YWHAE: variants seen among roughly 807,000 people sequenced by gnomAD.
The protein encoded by YWHAE is tyrosine 3-monooxygenase/tryptophan 5-monooxygenase activation protein epsilon, also known as 14-3-3 protein epsilon.
A neutral mutation model predicts 30.1 loss-of-function variants in YWHAE; 4 were observed. The observed-to-expected ratio is 0.13, with a 90% CI of 0.07 to 0.30. YWHAE has a LOEUF of 0.30. YWHAE is among the 10% of genes least tolerant of loss of function. The pLI is 1.00. For missense variants in YWHAE, 121 were observed against 315.9 expected (o/e 0.38, Z 4.68); for synonymous variants, 118 against 111.8 (o/e 1.06, Z -0.35).
chr17:1,378,885 A>G (rs1315611574), intron 1 of YWHAE, among the ~76,000 whole-genome samples: 1 of 151,822 alleles, frequency 6.6e-6, no homozygotes, highest in African/African-American at 2.4e-5. Context: ...AGGCGAAGGA[A>G]GTTGCAATGA....
At chr17:1,385,676 C>G (rs752408301) in intron 1 of YWHAE, among the ~76,000 whole-genome samples, 1 of 152,078 alleles carries the variant, frequency 6.6e-6, no homozygotes, top group Non-Finnish European at 1.5e-5. Flanking sequence ...ATGCAGGTGG[C>G]CTGCTCCTGA....
chr17:1,372,169 A>G (rs1048134783), intron 1 of YWHAE, among the ~76,000 whole-genome samples: 8 of 152,182 alleles, frequency 5.3e-5, no homozygotes, highest in South Asian at 2.1e-4. Context: ...TGGAGATGGC[A>G]TCTTTCCTTA....
intron 1 of YWHAE, among the ~76,000 whole-genome samples, chr17:1,372,300 G>A (rs537065932): frequency 3.5e-4 from 54 of 152,296 alleles, no homozygotes; most frequent in African/African-American, 1.3e-3. Context: ...TTGGCTTAAG[G>A]GAATAGTATG....
chr17:1,350,175 C>A (rs563952988), intron 5 of YWHAE, among the ~76,000 whole-genome samples: 4 of 151,494 alleles, frequency 2.6e-5, no homozygotes, highest in African/African-American at 9.7e-5. Flanking sequence ...TGGTCTCGAA[C>A]TCCTGACCTC....
chr17:1,370,841 C>CA (rs1047920192), intron 1 of YWHAE, among the ~76,000 whole-genome samples: 36 of 149,320 alleles, frequency 2.4e-4, no homozygotes, highest in African/African-American at 7.1e-4. Flanking sequence ...ACTAAAAGTG[C>CA]AAAAAAAAAT....
At chr17:1,399,383 G>A (rs1385280681) in intron 1 of YWHAE, 1 of 152,650 alleles carries the variant, frequency 6.6e-6, no homozygotes, top group Non-Finnish European at 1.5e-5. Flanking sequence ...CCCGATCGCA[G>A]CATGGGAGCC....
intron 1 of YWHAE, among the ~76,000 whole-genome samples, chr17:1,366,670 C>G (rs566910445): frequency 6.6e-6 from 1 of 151,790 alleles, no homozygotes; most frequent in East Asian, 2.0e-4. Flanking sequence ...TGGACGGGCA[C>G]GGTGGATCAC....
At chr17:1,355,148 A>AAAAAAAAATT (rs1555639303) in intron 4 of YWHAE, among the ~76,000 whole-genome samples, 68 of 76,828 alleles carry the variant, frequency 8.9e-4, no homozygotes, top group Non-Finnish European at 1.5e-3. Context: ...AAAAAAAAAA[A>AAAAAAAAATT]TTTTTTTTTT....
intron 1 of YWHAE, among the ~76,000 whole-genome samples, chr17:1,376,944 T>TG (rs1014492977): frequency 1.3e-5 from 2 of 150,282 alleles, no homozygotes; most frequent in African/African-American, 4.9e-5. Flanking sequence ...TTTTTTTTTT[T>TG]GAGACAGAGT....
intron 1 of YWHAE, among the ~76,000 whole-genome samples, chr17:1,373,117 C>T (rs922455493): frequency 4.6e-5 from 7 of 152,004 alleles, no homozygotes; most frequent in Admixed American, 2.6e-4. Context: ...GGGGCGCGTG[C>T]CTGTAATCCC....
At chr17:1,383,668 G>A (rs1294969131) in intron 1 of YWHAE, among the ~76,000 whole-genome samples, 1 of 151,974 alleles carries the variant, frequency 6.6e-6, no homozygotes, top group Non-Finnish European at 1.5e-5. Context: ...GATTACAGGT[G>A]TGAGCCACTG....
intron 5 of YWHAE, among the ~76,000 whole-genome samples, chr17:1,346,122 C>G (rs1322287760): frequency 2.6e-5 from 4 of 152,122 alleles, no homozygotes; most frequent in Admixed American, 6.6e-5. Flanking sequence ...TAAAGAATGG[C>G]ATTTGGACCA....
intron 1 of YWHAE, among the ~76,000 whole-genome samples, chr17:1,370,284 G>A (rs946290972): frequency 6.6e-6 from 1 of 151,274 alleles, no homozygotes; most frequent in East Asian, 2.0e-4. Context: ...CCGTCACCAT[G>A]CCCAGTGAAT....
rs2072497053 is a variant in YWHAE, at chr17:1,345,304, A to C, written c.*143T>G. ...GAAAACTGTTTAAAAAAAAAAAAAA[A>C]AAACCAACAGGGCAGGAACCTAAAT... On this transcript the variant is annotated 3_prime_UTR_variant, in exon 6 of 6. Coordinates refer to ENST00000264335, the MANE Select transcript of YWHAE (RefSeq NM_006761.5). The C allele has an allele frequency of 2.5e-6, 2 of 793,866 alleles. No homozygotes were observed. Among genetic ancestry groups the C allele is most frequent in the Non-Finnish European group, 4.0e-6 (2 of 503,738 alleles). The allele number at this position is 793,866 out of a possible 1,614,324, so 49.2% of individuals were successfully genotyped here.
intron 1 of YWHAE, among the ~76,000 whole-genome samples, chr17:1,390,572 C>CAAAT (rs2073374953): frequency 6.6e-6 from 1 of 152,126 alleles, no homozygotes; most frequent in African/African-American, 2.4e-5. Flanking sequence ...AACCACCCTG[C>CAAAT]AAATTAGTAG....
At chr17:1,348,513 A>T (rs1166114473) in intron 5 of YWHAE, among the ~76,000 whole-genome samples, 1 of 152,194 alleles carries the variant, frequency 6.6e-6, no homozygotes, top group Non-Finnish European at 1.5e-5. Context: ...CTTAAACTAA[A>T]TGCAAAGTCA....
chr17:1,354,737 A>C (rs2072699154), intron 4 of YWHAE, among the ~76,000 whole-genome samples: 1 of 151,916 alleles, frequency 6.6e-6, no homozygotes, highest in South Asian at 2.1e-4. Context: ...ATCTCGGCTC[A>C]CTGCAAGCTT....
intron 1 of YWHAE, among the ~76,000 whole-genome samples, chr17:1,383,779 C>A (rs1211283955): frequency 1.3e-5 from 2 of 152,084 alleles, no homozygotes; most frequent in Non-Finnish European, 2.9e-5. Context: ...GTTAATAAAC[C>A]TTTTCAGAAA....
chr17:1,387,924 CT>C (rs35930155), intron 1 of YWHAE, among the ~76,000 whole-genome samples: 398 of 75,694 alleles, frequency 5.3e-3, no homozygotes, highest in African/African-American at 0.019. Flanking sequence ...CTGCACCTGG[CT>C]TTTTTTTTTT....
Sources: gnomAD v4.1 joint callset for allele counts (sites outside exome capture counted in the v4.1 genomes callset) on GRCh38, gnomAD v4.1.1 for gene constraint, MANE v1.5 for transcripts, NCBI Gene and HGNC (gene_info 2026-07-23, HGNC 2026-07-21) for gene names.